DLG2: variants seen among roughly 807,000 people sequenced by gnomAD.
DLG2 encodes disks large homolog 2.
DLG2 carries 45 observed loss-of-function variants against 132.5 expected under a neutral mutation model. The ratio of observed to expected loss-of-function variants is 0.34; its 90% CI spans 0.27 to 0.44. DLG2 has a LOEUF of 0.44. Among genes scored for constraint, DLG2 ranks in the 20% least tolerant of loss-of-function variants. The probability of loss-of-function intolerance (pLI) is 1.00; values close to 1 mark genes in which losing one functional copy is unlikely to be tolerated. For missense variants in DLG2, 1,045 were observed against 1,196.9 expected (o/e 0.87, Z 1.87); for synonymous variants, 424 against 419.6 (o/e 1.01, Z -0.13).
At position 83,878,242 on chromosome 11, in the gene DLG2, T is replaced by C. The variant is rs536278866; in HGVS notation, c.1497-3754A>G. Among the ~76,000 whole-genome samples, 2 of 152,218 alleles carry C rather than the reference T, an allele frequency of 1.3e-5. 1 individual carries two copies. The highest frequency in any genetic ancestry group is 4.8e-5 in the African/African-American group (2 of 41,458). ...GCAAAGTATTGGGTTTCTTCATCTATACATTCGCAGCTCAGGGTTGGCACA... is the reference window on the plus strand; with the variant it reads ...GCAAAGTATTGGGTTTCTTCATCTACACATTCGCAGCTCAGGGTTGGCACA... On this transcript the variant is annotated intron_variant, in intron 15 of 27. Transcript: ENST00000376104.
At chr11:85,217,653 T>C (rs1186131774) in intron 4 of DLG2, among the ~76,000 whole-genome samples, 3 of 152,190 alleles carry the variant, frequency 2.0e-5, no homozygotes, top group Non-Finnish European at 4.4e-5. Flanking sequence ...ATACTCCAGT[T>C]GAAACCACTC....
chr11:84,707,742 G>C (rs1005733534), intron 6 of DLG2, among the ~76,000 whole-genome samples: 1 of 151,800 alleles, frequency 6.6e-6, no homozygotes, highest in Admixed American at 6.6e-5. Context: ...TGCATTAGCT[G>C]AGCCCTCTGT....
intron 6 of DLG2, among the ~76,000 whole-genome samples, chr11:84,683,104 T>C (rs1300371159): frequency 6.6e-6 from 1 of 152,108 alleles, no homozygotes; most frequent in Non-Finnish European, 1.5e-5. Flanking sequence ...GTGTAAGTTA[T>C]CCAAGAAAAG....
intron 7 of DLG2, among the ~76,000 whole-genome samples, chr11:84,455,991 A>G (rs1175964489): frequency 2.0e-5 from 3 of 151,244 alleles, no homozygotes; most frequent in African/African-American, 4.8e-5. Context: ...TGTGTGTAAG[A>G]CCTAACATCC....
In DLG2 at chr11:83,809,286, C is replaced by T. The variant is rs183647921; in HGVS notation, c.1723-22494G>A. Among the ~76,000 whole-genome samples, 3 of 152,284 alleles carry T rather than the reference C, an allele frequency of 2.0e-5. No homozygotes were observed. The East Asian group carries it at 5.8e-4, about 29-fold the overall frequency. On this transcript the variant is annotated intron_variant, in intron 17 of 27. Coordinates refer to ENST00000376104, the MANE Select transcript of DLG2 (RefSeq NM_001142699.3). ...AATACAGGCAAGCCAGAGGAGCTTGCTCCTGAAAACTAAAATAGCAAAATT... is the reference window on the plus strand; with the variant it reads ...AATACAGGCAAGCCAGAGGAGCTTGTTCCTGAAAACTAAAATAGCAAAATT...
At chr11:84,652,378 C>G (rs2099683125) in intron 6 of DLG2, among the ~76,000 whole-genome samples, 1 of 152,044 alleles carries the variant, frequency 6.6e-6, no homozygotes, top group Admixed American at 6.6e-5. Flanking sequence ...GGTGTATGGG[C>G]TATGGGAGGA....
intron 8 of DLG2, among the ~76,000 whole-genome samples, chr11:84,241,977 TTATGCTTGAGAAGCTACACAAA>T (rs1198658081): frequency 6.6e-6 from 1 of 152,192 alleles, no homozygotes; most frequent in Admixed American, 6.5e-5. Context: ...TTGAGCAGCT[TTATGCTTGAGAAGCTACACAAA>T]TATTTTTCAG....
At position 84,563,327 on chromosome 11, in the gene DLG2, A is replaced by G. The variant is rs563796660; in HGVS notation, c.358-28596T>C. On this transcript the variant is annotated intron_variant, in intron 6 of 27. Transcript: ENST00000376104. ...TGCAAGGAACACTATGCATAGTACT[A>G]TTGTGATTTATGTTGTTTATGTTTA... Among the ~76,000 whole-genome samples, 21 of 152,282 alleles carry G rather than the reference A, an allele frequency of 1.4e-4. No individual in the cohort carries two copies. The East Asian group carries it at 3.7e-3, about 27-fold the overall frequency.
chr11:84,580,301 G>C (rs183428299), intron 6 of DLG2, among the ~76,000 whole-genome samples: 2 of 152,114 alleles, frequency 1.3e-5, no homozygotes, highest in African/African-American at 4.8e-5. Flanking sequence ...ATAATCTAAG[G>C]CCTGGCCTGT....
At chr11:83,532,143 G>A (rs2095764762) in intron 21 of DLG2, among the ~76,000 whole-genome samples, 1 of 152,006 alleles carries the variant, frequency 6.6e-6, no homozygotes, top group African/African-American at 2.4e-5. Flanking sequence ...GAGTTACATT[G>A]TATGCAAATT....
At chr11:85,254,063 G>A (rs2076540563) in intron 4 of DLG2, among the ~76,000 whole-genome samples, 2 of 152,212 alleles carry the variant, frequency 1.3e-5, no homozygotes, top group Admixed American at 1.3e-4. Flanking sequence ...CAGGAAAACA[G>A]GGATGTAAAT....
intron 7 of DLG2, among the ~76,000 whole-genome samples, chr11:84,362,441 T>C (rs1453269804): frequency 6.6e-6 from 1 of 152,020 alleles, no homozygotes; most frequent in African/African-American, 2.4e-5. Context: ...CAAGTGTTTG[T>C]TCTATGGGGA....
intron 4 of DLG2, 89 bp from the exon 5 acceptor site, chr11:85,154,740 T>C: frequency 3.1e-6 from 2 of 641,892 alleles, no homozygotes; most frequent in South Asian, 4.7e-5. Context: ...CATTAAAATA[T>C]CTAAGGCCTG....
chr11:85,552,284 G>T (rs2076710051), intron 3 of DLG2, among the ~76,000 whole-genome samples: 1 of 151,230 alleles, frequency 6.6e-6, no homozygotes, highest in East Asian at 1.9e-4. Flanking sequence ...TCATAACAGT[G>T]GAACTCCTGG....
At chr11:84,120,283 C>T (rs1202704199) in intron 9 of DLG2, among the ~76,000 whole-genome samples, 1 of 152,008 alleles carries the variant, frequency 6.6e-6, no homozygotes, top group Non-Finnish European at 1.5e-5. Context: ...AATAGATAAA[C>T]TAAGTAGACC....
chr11:83,525,710 T>C (rs1227583308), intron 21 of DLG2, among the ~76,000 whole-genome samples: 1 of 152,164 alleles, frequency 6.6e-6, no homozygotes, highest in Non-Finnish European at 1.5e-5. Context: ...GATCTGTAGA[T>C]CACCTCTGGA....
chr11:84,361,695 AG>A (rs1261552994), intron 7 of DLG2, among the ~76,000 whole-genome samples: 1 of 152,030 alleles, frequency 6.6e-6, no homozygotes, highest in Non-Finnish European at 1.5e-5. Context: ...AATCTCTTTA[AG>A]ATATAAATGA....
At chr11:85,388,414 C>T (rs969298878) in intron 3 of DLG2, among the ~76,000 whole-genome samples, 5 of 152,106 alleles carry the variant, frequency 3.3e-5, no homozygotes, top group Admixed American at 1.3e-4. Flanking sequence ...GCTCTATAGC[C>T]CTGCCCACCA....
intron 6 of DLG2, among the ~76,000 whole-genome samples, chr11:84,862,993 T>G (rs2083989987): frequency 5.3e-5 from 8 of 151,956 alleles, no homozygotes. Context: ...AGATATTAGT[T>G]CCGTCCTGCT....
Sources: allele counts gnomAD v4.1 joint callset (sites outside exome capture counted in the v4.1 genomes callset), GRCh38; gene constraint gnomAD v4.1.1; transcripts MANE v1.5; gene names NCBI Gene and HGNC (gene_info 2026-07-23, HGNC 2026-07-21).